EFCAB5: variants seen among roughly 807,000 people sequenced by gnomAD.
The protein encoded by EFCAB5 is EF-hand calcium-binding domain-containing protein 5.
EFCAB5 carries 131 observed loss-of-function variants against 167.9 expected under a neutral mutation model. The observed-to-expected ratio is 0.78, with a 90% CI of 0.68 to 0.90. EFCAB5 has a LOEUF of 0.90. Ranked by LOEUF, EFCAB5 falls within the 40% of genes least tolerant of loss-of-function variation. The probability of loss-of-function intolerance (pLI) is 0.00; values close to 1 mark genes in which losing one functional copy is unlikely to be tolerated. For missense variants in EFCAB5, 1,663 were observed against 1,745.2 expected (o/e 0.95, Z 0.84); for synonymous variants, 574 against 602.8 (o/e 0.95, Z 0.70).
At chr17:29,996,431 G>A in intron 6 of EFCAB5, 71 bp downstream of exon 6, 2 of 1,301,626 alleles carry the variant, frequency 1.5e-6, no homozygotes, top group Middle Eastern at 2.2e-4. Context: ...GAATTCAGAT[G>A]AAGAGTCAAC....
intron 3 of EFCAB5, among the ~76,000 whole-genome samples, chr17:29,949,851 T>A (rs2151532598): frequency 6.6e-6 from 1 of 152,352 alleles, no homozygotes; most frequent in East Asian, 1.9e-4. Flanking sequence ...CTAGGATTAT[T>A]GCTTAGCAAC....
intron 3 of EFCAB5, 114 bp downstream of exon 3, chr17:29,943,763 C>A: frequency 1.3e-6 from 1 of 798,846 alleles, no homozygotes; most frequent in Non-Finnish European, 1.8e-6. Context: ...CATCAGAGGT[C>A]AGGAGTTCGA....
At chr17:30,073,623 CT>C in intron 14 of EFCAB5, 1 of 707,126 alleles carries the variant, frequency 1.4e-6, no homozygotes, top group South Asian at 1.5e-5. Flanking sequence ...TTGTTAACAG[CT>C]TTTTTCTTTC....
At chr17:29,987,819 G>A (rs536571007) in intron 4 of EFCAB5, among the ~76,000 whole-genome samples, 10 of 152,152 alleles carry the variant, frequency 6.6e-5, no homozygotes, top group Admixed American at 2.6e-4. Flanking sequence ...ATACCACAAA[G>A]CACTGCAAAA....
At chr17:30,055,309 GAAGA>G (rs1470928206) in intron 10 of EFCAB5, among the ~76,000 whole-genome samples, 1 of 141,024 alleles carries the variant, frequency 7.1e-6, no homozygotes, top group African/African-American at 2.7e-5. Context: ...AAGAAAGAAA[GAAGA>G]GAGAGAGAGA....
intron 7 of EFCAB5, among the ~76,000 whole-genome samples, chr17:30,005,877 G>C (rs1330475100): frequency 6.6e-6 from 1 of 152,200 alleles, no homozygotes; most frequent in East Asian, 1.9e-4. Flanking sequence ...CCACATAGCA[G>C]CCTTATCTTA....
intron 4 of EFCAB5, among the ~76,000 whole-genome samples, chr17:29,988,676 A>C (rs1392637755): frequency 6.6e-6 from 1 of 152,232 alleles, no homozygotes; most frequent in Non-Finnish European, 1.5e-5. Flanking sequence ...TATTTATAAA[A>C]GCTTGCTGTA....
chr17:30,087,059 C>T lies in EFCAB5; in HGVS notation c.3580-4C>T. On this transcript the variant is annotated splice_polypyrimidine_tract_variant and splice_region_variant and intron_variant, in intron 18 of 22. Coordinates refer to ENST00000394835, the MANE Select transcript of EFCAB5 (RefSeq NM_198529.4). ...TCCTAATGAAATGCCTTCCTCTTTT[C>T]AAGGATTCAGACTATGTTTTACGCA... 1 of 1,612,828 alleles carries T rather than the reference C, an allele frequency of 6.2e-7. No homozygotes were observed. Among genetic ancestry groups the T allele is most frequent in the Non-Finnish European group, 8.5e-7 (1 of 1,179,216 alleles).
At chr17:30,015,337 G>C (rs1358687230) in intron 7 of EFCAB5, among the ~76,000 whole-genome samples, 9 of 152,268 alleles carry the variant, frequency 5.9e-5, no homozygotes, top group African/African-American at 2.2e-4. Context: ...GAATTTGAAT[G>C]TTGGCCTGCC....
intron 17 of EFCAB5, among the ~76,000 whole-genome samples, chr17:30,082,688 G>A (rs1424393438): frequency 6.6e-6 from 1 of 152,016 alleles, no homozygotes; most frequent in African/African-American, 2.4e-5. Flanking sequence ...CATGGCACCT[G>A]GCCTATAACT....
At position 30,057,656 on chromosome 17, in the gene EFCAB5, T is replaced by C; in HGVS notation, c.2366-20T>C. On this transcript the variant is annotated intron_variant, in intron 12 of 22. Coordinates refer to ENST00000394835, the MANE Select transcript of EFCAB5 (RefSeq NM_198529.4). ...AAAAATTGTTCACTTTACTGCTTGG[T>C]AATGTTTCTTGCTTGACAGATTTAC... The C allele has an allele frequency of 6.2e-7, 1 of 1,601,226 alleles. No homozygotes were observed. The highest frequency in any genetic ancestry group is 8.5e-7 in the Non-Finnish European group (1 of 1,169,844).
chr17:30,032,027 A>C, intron 7 of EFCAB5: 1 of 152,228 alleles, frequency 6.6e-6, no homozygotes, highest in Middle Eastern at 3.4e-3. Flanking sequence ...ACAGAGTGAG[A>C]CCCTGTCTCT....
At chr17:29,943,264 A>G (rs1345356566) in intron 2 of EFCAB5, among the ~76,000 whole-genome samples, 3 of 152,136 alleles carry the variant, frequency 2.0e-5, no homozygotes, top group East Asian at 1.9e-4. Flanking sequence ...GTTTCTATAA[A>G]CTATTGTATA....
In EFCAB5 at chr17:30,084,245, C is replaced by T. The variant is rs557057386; in HGVS notation, c.3579+1202C>T. On this transcript the variant is annotated intron_variant, in intron 18 of 22. Coordinates refer to ENST00000394835, the MANE Select transcript of EFCAB5 (RefSeq NM_198529.4). ...ATCATGGAGCTCTCTTGTGGGGTGGCCAGGCCATGGGAGCCTCCAAGGGCA... is the reference window on the plus strand; with the variant it reads ...ATCATGGAGCTCTCTTGTGGGGTGGTCAGGCCATGGGAGCCTCCAAGGGCA... Among the ~76,000 whole-genome samples the T allele has an allele frequency of 5.1e-4, 77 of 152,270 alleles. No homozygotes were observed. In the Middle Eastern group the frequency reaches 0.017, roughly 34 times the overall value.
intron 14 of EFCAB5, chr17:30,068,923 G>C: frequency 6.5e-7 from 1 of 1,545,228 alleles, no homozygotes; most frequent in Non-Finnish European, 8.9e-7. Context: ...AATAGACCAG[G>C]ATGTCCAGAT....
At chr17:30,069,566 G>C in intron 14 of EFCAB5, 2 of 1,613,252 alleles carry the variant, frequency 1.2e-6, no homozygotes, top group Non-Finnish European at 1.7e-6. Flanking sequence ...TGGCTTCCGC[G>C]TATGGATCCT....
At chr17:30,059,467 T>C in intron 13 of EFCAB5, 78 bp from the exon 14 acceptor site, 1 of 1,416,938 alleles carries the variant, frequency 7.1e-7, no homozygotes, top group Non-Finnish European at 9.4e-7. Flanking sequence ...GCTGGACTTT[T>C]TTTGGAATAA....
intron 6 of EFCAB5, among the ~76,000 whole-genome samples, chr17:29,999,529 T>C (rs2068616677): frequency 6.6e-6 from 1 of 152,150 alleles, no homozygotes; most frequent in Non-Finnish European, 1.5e-5. Context: ...TTAAGAAACA[T>C]TAAAGACAAA....
intron 18 of EFCAB5, among the ~76,000 whole-genome samples, chr17:30,084,962 G>T (rs554505100): frequency 6.6e-6 from 1 of 152,052 alleles, no homozygotes; most frequent in Non-Finnish European, 1.5e-5. Context: ...GTCCTTTGTC[G>T]GTTCTGGTCA....
Sources: allele counts gnomAD v4.1 joint callset (sites outside exome capture counted in the v4.1 genomes callset), GRCh38; gene constraint gnomAD v4.1.1; transcripts MANE v1.5; gene names NCBI Gene and HGNC (gene_info 2026-07-23, HGNC 2026-07-21).